The following SNX9 variants were observed in gnomAD, a reference collection of about 807,000 sequenced individuals.
The protein encoded by SNX9 is sorting nexin 9.
Under a neutral mutation model 89.4 loss-of-function variants are expected in SNX9, and 44 were observed. The ratio of observed to expected loss-of-function variants is 0.49; its 90% confidence interval spans 0.39 to 0.63. SNX9 has a LOEUF of 0.63. Among genes scored for constraint, SNX9 ranks in the 30% least tolerant of loss-of-function variants. SNX9 has a pLI of 0.00. For missense variants in SNX9, 578 were observed against 736.1 expected, an observed-to-expected ratio of 0.79 and a Z score of 2.49; for synonymous variants, 236 against 247.8, an observed-to-expected ratio of 0.95 and a Z score of 0.45.
intron 1 of SNX9, among the ~76,000 whole-genome samples, chr6:157,865,789 C>G (rs1782249828): frequency 6.6e-6 from 1 of 152,058 alleles, no homozygotes; most frequent in South Asian, 2.1e-4. Context: ...AAAATAATTT[C>G]AGGCATCATT....
intron 2 of SNX9, among the ~76,000 whole-genome samples, chr6:157,871,863 G>A (rs776989824): frequency 6.9e-6 from 1 of 144,730 alleles, no homozygotes; most frequent in Non-Finnish European, 1.5e-5. Context: ...TGTAACCTCT[G>A]CCTTCTGGGT....
intron 1 of SNX9, among the ~76,000 whole-genome samples, chr6:157,838,609 T>G (rs535326258): frequency 6.6e-6 from 1 of 152,232 alleles, no homozygotes; most frequent in South Asian, 2.1e-4. Context: ...AGTGTGAAAA[T>G]TTTATGTAGA....
At chr6:157,890,002 A>G (rs1198407885) in intron 4 of SNX9, among the ~76,000 whole-genome samples, 1 of 152,216 alleles carries the variant, frequency 6.6e-6, no homozygotes, top group Non-Finnish European at 1.5e-5. Flanking sequence ...AAATTACCCA[A>G]GGCCACACAG....
At chr6:157,871,325 G>T (rs571176351) in intron 2 of SNX9, among the ~76,000 whole-genome samples, 25 of 152,276 alleles carry the variant, frequency 1.6e-4, no homozygotes, top group African/African-American at 5.8e-4. Flanking sequence ...AGGCTGCAGT[G>T]AGCCAAGATG....
chr6:157,899,597 C>T (rs905006031), intron 5 of SNX9, among the ~76,000 whole-genome samples: 1 of 152,012 alleles, frequency 6.6e-6, no homozygotes, highest in Non-Finnish European at 1.5e-5. Flanking sequence ...ACGGTGAAAC[C>T]CCATCTCTAC....
chr6:157,846,989 G>A (rs1179740596), intron 1 of SNX9, among the ~76,000 whole-genome samples: 3 of 152,164 alleles, frequency 2.0e-5, no homozygotes, highest in African/African-American at 7.2e-5. Context: ...GGAGAAGTGA[G>A]CCCAGGTAGC....
rs1244699547 is a variant in SNX9 at position 157,863,586 on chromosome 6, G to A, written c.13-3961G>A. ...AATAGTTGAAGAATGAGTTCTTGAA[G>A]TATAGCTAATAGTGGAAAATGCAGT... is the stretch of plus-strand genomic sequence containing the variant. On this transcript the variant is annotated intron_variant, in intron 1 of 17. Coordinates refer to ENST00000392185, the MANE Select transcript of SNX9 (RefSeq NM_016224.5). Among the ~76,000 whole-genome samples, 6 of 152,310 alleles carry A rather than the reference G, an allele frequency of 3.9e-5. No homozygotes were observed. The South Asian group carries it at 1.2e-3, about 32-fold the overall frequency.
chr6:157,927,209 A>G lies in SNX9; in HGVS notation c.1179A>G (p.Val393=). ...MEPEAPDLDL[V]EIEQKCEAVG... ...CAGAGGCACCTGACTTGGACTTAGTAGAAATGTGAGAGACGCTGCCAGGTT... is the reference window on the plus strand; with the variant it reads ...CAGAGGCACCTGACTTGGACTTAGTGGAAATGTGAGAGACGCTGCCAGGTT... The change falls in exon 11 of 18, where the codon GTA becomes GTG. Residue 393 remains valine, a synonymous_variant. Transcript: ENST00000392185. The G allele has an allele frequency of 6.2e-7, 1 of 1,607,162 alleles. No individual in the cohort carries two copies. The highest frequency in any genetic ancestry group is 8.5e-7 in the Non-Finnish European group (1 of 1,173,716).
At chr6:157,875,961 T>C (rs1336592920) in intron 4 of SNX9, among the ~76,000 whole-genome samples, 1 of 151,334 alleles carries the variant, frequency 6.6e-6, no homozygotes, top group Non-Finnish European at 1.5e-5. Flanking sequence ...GGCAACACGA[T>C]GAAACCCCAT....
At chr6:157,911,242 G>A (rs1017668292) in intron 9 of SNX9, among the ~76,000 whole-genome samples, 4 of 152,232 alleles carry the variant, frequency 2.6e-5, no homozygotes, top group African/African-American at 9.6e-5. Context: ...GGAGTGGATT[G>A]TGAGAGGAGG....
chr6:157,904,251 TG>T (rs2115172689), intron 6 of SNX9, among the ~76,000 whole-genome samples: 1 of 152,206 alleles, frequency 6.6e-6, no homozygotes, highest in African/African-American at 2.4e-5. Flanking sequence ...CTGGCCAACA[TG>T]GTGAAACCTC....
At chr6:157,874,253 G>A (rs1782475615) in intron 3 of SNX9, 1 of 152,296 alleles carries the variant, frequency 6.6e-6, no homozygotes, top group Non-Finnish European at 1.5e-5. Flanking sequence ...ACACACCACA[G>A]CCTTTTCCAT....
chr6:157,869,078 C>T (rs117476763), intron 2 of SNX9, among the ~76,000 whole-genome samples: 2,303 of 152,328 alleles, frequency 0.015, 27 homozygotes, highest in Non-Finnish European at 0.023. Flanking sequence ...GTCTGCATGC[C>T]AGTGTTTCTT....
intron 3 of SNX9, 58 bp downstream of exon 3, chr6:157,873,234 G>T: frequency 7.1e-7 from 1 of 1,407,370 alleles, no homozygotes. Context: ...ATCTTTTTAT[G>T]AATTATCAAC....
chr6:157,910,596 C>T (rs1333240433), intron 9 of SNX9, among the ~76,000 whole-genome samples: 3 of 151,764 alleles, frequency 2.0e-5, no homozygotes, highest in Non-Finnish European at 4.4e-5. Context: ...TGATTATTAC[C>T]CTCTCCCTTC....
At chr6:157,935,821 G>A in intron 13 of SNX9, 143 bp from the exon 14 acceptor site, 1 of 609,742 alleles carries the variant, frequency 1.6e-6, no homozygotes, top group South Asian at 2.7e-5. Flanking sequence ...TGGGTGATGG[G>A]CATTCATTCT....
rs141658868 is a variant in SNX9 at position 157,830,030 on chromosome 6, A to G, written c.12+6584A>G. 1.9e-3 allele frequency among the ~76,000 whole-genome samples: 287 copies of G among 152,312 alleles called. 1 individual carries two copies. The highest frequency in any genetic ancestry group is 6.8e-3 in the African/African-American group (283 of 41,566). ...TAGCCTTTTCCTGAATTACAAAAAG[A>G]CATAAGGTTATTTAACTCCAGTCAT... On this transcript the variant is annotated intron_variant, in intron 1 of 17. Transcript: ENST00000392185.
intron 7 of SNX9, among the ~76,000 whole-genome samples, chr6:157,908,292 TTGAATCTCTGAA>T (rs1453123095): frequency 6.6e-6 from 1 of 152,212 alleles, no homozygotes; most frequent in Non-Finnish European, 1.5e-5. Flanking sequence ...TTCATTCTCC[TTGAATCTCTGAA>T]TGAATCTCTG....
chr6:157,889,775 A>G (rs953101526), intron 4 of SNX9, among the ~76,000 whole-genome samples: 20 of 152,238 alleles, frequency 1.3e-4, no homozygotes, highest in Non-Finnish European at 2.9e-5. Flanking sequence ...CCTGCATAGC[A>G]TAAGCTAATA....
Sources: gnomAD v4.1 joint callset for allele counts (sites outside exome capture counted in the v4.1 genomes callset) on GRCh38, gnomAD v4.1.1 for gene constraint, MANE v1.5 for transcripts, NCBI Gene and HGNC (gene_info 2026-07-23, HGNC 2026-07-21) for gene names.